The following SCEL variants were observed in gnomAD, a reference collection of about 807,000 sequenced individuals.
The protein encoded by SCEL is sciellin.
Under a neutral mutation model 117.6 loss-of-function variants are expected in SCEL, and 113 were observed. The ratio of observed to expected loss-of-function variants is 0.96; its 90% CI spans 0.83 to 1.12. The LOEUF (loss-of-function observed/expected upper bound fraction) is 1.12. Among genes scored for constraint, SCEL ranks in the 50% most tolerant of loss-of-function variants. SCEL has a pLI of 0.00. For missense variants in SCEL, 785 were observed against 810.8 expected (o/e 0.97, Z 0.39); for synonymous variants, 270 against 256.2 (o/e 1.05, Z -0.51).
intron 12 of SCEL, among the ~76,000 whole-genome samples, chr13:77,593,795 A>T (rs994890331): frequency 1.3e-5 from 2 of 152,066 alleles, no homozygotes; most frequent in African/African-American, 4.8e-5. Context: ...TTTTCTGGCA[A>T]TTTTACTCAC....
At chr13:77,592,322 G>A (rs1428569428) in intron 11 of SCEL, among the ~76,000 whole-genome samples, 1 of 152,094 alleles carries the variant, frequency 6.6e-6, no homozygotes, top group East Asian at 1.9e-4. Context: ...TGTGCCACAG[G>A]ATGTCAATGC....
intron 4 of SCEL, among the ~76,000 whole-genome samples, chr13:77,560,365 G>C (rs2084912769): frequency 6.6e-6 from 1 of 152,236 alleles, no homozygotes; most frequent in South Asian, 2.1e-4. Context: ...CTGACCTTGG[G>C]ACATTGAGGC....
chr13:77,561,268 A>C (rs903295542), intron 4 of SCEL, among the ~76,000 whole-genome samples: 2 of 152,232 alleles, frequency 1.3e-5, no homozygotes, highest in Admixed American at 6.5e-5. Flanking sequence ...TCATATTCTT[A>C]ATGTACATAC....
At chr13:77,573,789 A>G (rs1305843498) in intron 9 of SCEL, among the ~76,000 whole-genome samples, 1 of 152,174 alleles carries the variant, frequency 6.6e-6, no homozygotes, top group South Asian at 2.1e-4. Flanking sequence ...ACATTTACCT[A>G]CTGCTACAAT....
chr13:77,633,128 T>TA (rs1013981102), intron 28 of SCEL, among the ~76,000 whole-genome samples: 3 of 152,182 alleles, frequency 2.0e-5, no homozygotes, highest in African/African-American at 7.2e-5. Context: ...CTATTTGTGT[T>TA]ATCTGTGTAG....
At chr13:77,639,592 C>T (rs1430523191) in intron 30 of SCEL, among the ~76,000 whole-genome samples, 1 of 152,160 alleles carries the variant, frequency 6.6e-6, no homozygotes, top group Non-Finnish European at 1.5e-5. Flanking sequence ...CCTCCATTCA[C>T]ATCTTCACTC....
intron 11 of SCEL, among the ~76,000 whole-genome samples, chr13:77,591,720 A>C (rs2086882739): frequency 6.6e-6 from 1 of 152,198 alleles, no homozygotes; most frequent in African/African-American, 2.4e-5. Flanking sequence ...TAAAGGCAGG[A>C]AAGCTTGCTC....
chr13:77,593,295 T>TGTGTGTGCGCGCGCGC lies in SCEL; in HGVS notation c.693-217_693-216insGTGTGCGCGCGCGCGT, dbSNP rs796907419. On this transcript the variant is annotated intron_variant, in intron 11 of 32. Transcript: ENST00000349847. ...GTGTGTGTGTGTGTGTGTGTGTGTG[T>TGTGTGTGCGCGCGCGC]GTCTGTGTGTGTGTGTGTGTGTGTC... Among the ~76,000 whole-genome samples, 411 of 136,874 alleles carry TGTGTGTGCGCGCGCGC rather than the reference T, an allele frequency of 3.0e-3. 5 individuals are homozygous for TGTGTGTGCGCGCGCGC. Among genetic ancestry groups the TGTGTGTGCGCGCGCGC allele is most frequent in the Middle Eastern group, 0.015 (4 of 270 alleles). 89.8% of individuals were successfully genotyped at this position (136,874 alleles called of 152,430 possible).
Position 77,634,419 on chromosome 13 carries a change from G to C in SCEL, c.1732G>C (p.Val578Leu), listed in dbSNP as rs751602521. The C allele has an allele frequency of 6.2e-7, 1 of 1,613,342 alleles. No homozygotes were observed. Among genetic ancestry groups the C allele is most frequent in the Non-Finnish European group, 8.5e-7 (1 of 1,179,486 alleles). Residue 578 changes from valine to leucine, a missense_variant, in exon 29 of 33, where the codon GTT (valine) becomes CTT (leucine). Physicochemically the swap from Val to Leu is conservative, Grantham distance 32. Transcript: ENST00000349847. Reference sequence around the variant, plus strand: ...CAAGCAGGCAGGACCACAGGATACTGTTGTGTACACAAGGACATATGTGGA... The same window carrying C: ...CAAGCAGGCAGGACCACAGGATACTCTTGTGTACACAAGGACATATGTGGA... ...GAKQAGPQDTVVYTRTYVENS... is the reference protein window; with the variant it reads ...GAKQAGPQDTLVYTRTYVENS...
intron 27 of SCEL, among the ~76,000 whole-genome samples, chr13:77,618,348 T>A (rs2089216240): frequency 6.6e-6 from 1 of 151,912 alleles, no homozygotes; most frequent in Non-Finnish European, 1.5e-5. Flanking sequence ...GCCCAGCAAA[T>A]TTTTTAAAAT....
chr13:77,632,711 T>C (rs1390222959), intron 28 of SCEL, among the ~76,000 whole-genome samples: 1 of 152,230 alleles, frequency 6.6e-6, no homozygotes, highest in Non-Finnish European at 1.5e-5. Context: ...AAAAGGAGCT[T>C]AAATTTTCTC....
chr13:77,581,001 A>G (rs536036035), intron 9 of SCEL, among the ~76,000 whole-genome samples: 1 of 152,112 alleles, frequency 6.6e-6, no homozygotes, highest in Non-Finnish European at 1.5e-5. Flanking sequence ...TCTGTCTGTA[A>G]CTATAAATGG....
intron 3 of SCEL, among the ~76,000 whole-genome samples, chr13:77,559,287 C>T (rs1336369930): frequency 6.6e-6 from 1 of 152,206 alleles, no homozygotes; most frequent in Non-Finnish European, 1.5e-5. Flanking sequence ...CAAAAGTAGG[C>T]TAGGTCTCCT....
intron 10 of SCEL, among the ~76,000 whole-genome samples, 173 bp from the exon 11 acceptor site, chr13:77,591,222 C>T (rs1370274403): frequency 6.6e-6 from 1 of 152,134 alleles, no homozygotes; most frequent in Non-Finnish European, 1.5e-5. Context: ...ATTACAAACT[C>T]AGTATACTGG....
At chr13:77,618,149 C>A (rs2089199741) in intron 27 of SCEL, 89 bp downstream of exon 27, 1 of 948,696 alleles carries the variant, frequency 1.1e-6, no homozygotes, top group Non-Finnish European at 1.7e-6. Flanking sequence ...TCCCTCCCTT[C>A]CTCCCTTACT....
At chr13:77,602,002 A>G in intron 15 of SCEL, 63 bp from the exon 16 acceptor site, 4 of 1,317,308 alleles carry the variant, frequency 3.0e-6, no homozygotes, top group Non-Finnish European at 4.2e-6. Flanking sequence ...GAGTCTGAAT[A>G]TATCACTGAG....
chr13:77,626,742 G>A (rs1042385268), intron 27 of SCEL, among the ~76,000 whole-genome samples: 5 of 152,276 alleles, frequency 3.3e-5, no homozygotes, highest in Admixed American at 2.0e-4. Flanking sequence ...ATATGGAACT[G>A]TAAGTCAATT....
chr13:77,593,641 C>A, intron 12 of SCEL, 68 bp downstream of exon 12: 1 of 1,135,768 alleles, frequency 8.8e-7, no homozygotes, highest in Non-Finnish European at 1.3e-6. Context: ...TTAACCACAC[C>A]TTTAAAAGTT....
chr13:77,635,617 T>C (rs991097234), intron 29 of SCEL, among the ~76,000 whole-genome samples: 2 of 152,242 alleles, frequency 1.3e-5, no homozygotes, highest in African/African-American at 4.8e-5. Context: ...AATAGGAATA[T>C]TCTGCTAAAC....
Sources: gnomAD v4.1 joint callset for allele counts (sites outside exome capture counted in the v4.1 genomes callset) on GRCh38, gnomAD v4.1.1 for gene constraint, MANE v1.5 for transcripts, NCBI Gene and HGNC (gene_info 2026-07-23, HGNC 2026-07-21) for gene names.